The following LMNTD1 variants were observed in gnomAD, a reference collection of about 807,000 sequenced individuals.
The protein encoded by LMNTD1 is lamin tail domain containing 1, also known as lamin tail domain-containing protein 1.
In LMNTD1, 35 loss-of-function variants were observed where a neutral mutation model predicts 50.9. That is an observed-to-expected ratio of 0.69 (90% confidence interval 0.53 to 0.91). The LOEUF is 0.91. Among genes scored for constraint, LMNTD1 ranks in the 40% least tolerant of loss-of-function variants. LMNTD1 has a pLI of 0.00. For missense variants in LMNTD1, 470 were observed against 475.5 expected (o/e 0.99, Z 0.11); for synonymous variants, 153 against 161.9 (o/e 0.94, Z 0.42).
chr12:25,622,469 C>A lies in LMNTD1; in HGVS notation c.58+26025G>T, dbSNP rs886727296. Among the ~76,000 whole-genome samples, 9 of 134,126 alleles carry A rather than the reference C, an allele frequency of 6.7e-5. 1 individual carries two copies. Among genetic ancestry groups the A allele is most frequent in the Admixed American group, 5.9e-4 (8 of 13,662 alleles). The allele number at this position is 134,126 out of a possible 152,430, so 88.0% of individuals were successfully genotyped here. A position where few individuals can be genotyped will look rare whatever the true frequency, so the allele number is the denominator to read the frequency against. On this transcript the variant is annotated intron_variant, in intron 1 of 7. Transcript: ENST00000445693. ...CTTGACCTTGAGTTTGTGAGCCCGC[C>A]CCCCCCCGCAAAATAATATCAACAT...
intron 8 of LMNTD1, among the ~76,000 whole-genome samples, chr12:25,512,591 C>T (rs938484526): frequency 2.0e-5 from 3 of 151,814 alleles, no homozygotes; most frequent in African/African-American, 7.3e-5. Context: ...TTTGTGAAGT[C>T]GAAATAATAG....
chr12:25,539,104 A>G (rs4562916), intron 4 of LMNTD1, among the ~76,000 whole-genome samples: 96,601 of 144,630 alleles, frequency 0.67, 32,740 homozygotes, highest in Admixed American at 0.73. Context: ...AAGAGACTTC[A>G]ACTCCCACAC....
chr12:25,479,283 A>C (rs1938368108), intron 9 of LMNTD1, among the ~76,000 whole-genome samples: 3 of 152,148 alleles, frequency 2.0e-5, no homozygotes, highest in African/African-American at 7.2e-5. Context: ...TGTCGTGGGA[A>C]TAGGAATCAA....
intron 8 of LMNTD1, among the ~76,000 whole-genome samples, chr12:25,508,040 C>T (rs1939951094): frequency 6.6e-6 from 1 of 151,684 alleles, no homozygotes; most frequent in Non-Finnish European, 1.5e-5. Context: ...TTCTTTGTCC[C>T]TCCTTGTCAG....
At chr12:25,525,305 A>C (rs976561787) in intron 6 of LMNTD1, among the ~76,000 whole-genome samples, 1 of 152,194 alleles carries the variant, frequency 6.6e-6, no homozygotes, top group African/African-American at 2.4e-5. Context: ...TTTTATAAGG[A>C]GTAAAGTATA....
At position 25,569,052 on chromosome 12, in the gene LMNTD1, A is replaced by C. The variant is rs555047465; in HGVS notation, c.59-22498T>G. The stretch of plus-strand genomic sequence containing the variant: ...GGGGCTGATGCCCTCTAGACCCCAG[A>C]ATGGTAGAGCTACTGGCAGCTTGCC... On this transcript the variant is annotated intron_variant, in intron 1 of 7. Transcript: ENST00000445693. 3.9e-5 allele frequency among the ~76,000 whole-genome samples: 6 copies of C among 152,344 alleles called. No individual in the cohort carries two copies. The South Asian group carries it at 1.2e-3, about 32-fold the overall frequency.
intron 1 of LMNTD1, among the ~76,000 whole-genome samples, chr12:25,581,006 C>A (rs775428626): frequency 6.6e-6 from 1 of 152,132 alleles, no homozygotes; most frequent in Non-Finnish European, 1.5e-5. Flanking sequence ...CTTTAGCCTA[C>A]TTGGAACTAA....
At chr12:25,555,580 G>C (rs1327908724), upstream of LMNTD1, among the ~76,000 whole-genome samples, 1 of 152,076 alleles carries the variant, frequency 6.6e-6, no homozygotes, top group Non-Finnish European at 1.5e-5. Context: ...GGTGTGATAT[G>C]GTGTCATGAT....
intron 8 of LMNTD1, among the ~76,000 whole-genome samples, chr12:25,508,109 T>C (rs1939958820): frequency 1.2e-5 from 1 of 84,784 alleles, no homozygotes; most frequent in South Asian, 3.5e-4. Context: ...CCAGTTTTTA[T>C]TGTTAAGTTT....
chr12:25,523,258 T>C (rs1171129777), intron 6 of LMNTD1, among the ~76,000 whole-genome samples: 1 of 152,186 alleles, frequency 6.6e-6, no homozygotes, highest in Non-Finnish European at 1.5e-5. Flanking sequence ...GGTATCAAAC[T>C]CCTGACCTTG....
chr12:25,642,485 C>T (rs1946976038), intron 1 of LMNTD1, among the ~76,000 whole-genome samples: 1 of 152,150 alleles, frequency 6.6e-6, no homozygotes. Context: ...TTGGACTTCC[C>T]AGCTTCCAGA....
chr12:25,585,752 A>G (rs1321249481), intron 1 of LMNTD1, among the ~76,000 whole-genome samples: 3 of 152,146 alleles, frequency 2.0e-5, no homozygotes, highest in Non-Finnish European at 4.4e-5. Context: ...TTTTGCCTCA[A>G]TTATCTTTTC....
chr12:25,556,995 G>A (rs1191736878), upstream of LMNTD1, among the ~76,000 whole-genome samples: 1 of 152,138 alleles, frequency 6.6e-6, no homozygotes, highest in African/African-American at 2.4e-5. Flanking sequence ...TGGGTAATAT[G>A]CAGTTGAGTA....
At chr12:25,561,636 T>C (rs1436087447) in intron 1 of LMNTD1, among the ~76,000 whole-genome samples, 2 of 152,012 alleles carry the variant, frequency 1.3e-5, no homozygotes, top group African/African-American at 4.8e-5. Flanking sequence ...GGGTGGAGAG[T>C]TCTGTAGATG....
intron 9 of LMNTD1, among the ~76,000 whole-genome samples, chr12:25,494,845 C>T (rs1047653457): frequency 4.6e-5 from 7 of 151,984 alleles, no homozygotes; most frequent in East Asian, 1.9e-4. Context: ...ACATTTGTTT[C>T]GTGGCAAAAA....
upstream of LMNTD1, chr12:25,648,570 T>C: frequency 6.5e-7 from 1 of 1,549,688 alleles, no homozygotes; most frequent in Non-Finnish European, 8.7e-7. Flanking sequence ...CTTAAGCTTC[T>C]TCTGTTATGC....
rs1042189617 is a variant in LMNTD1, at chr12:25,476,424, T to C, written c.*59A>G. 6.6e-6 allele frequency: 1 copy of C among 152,242 alleles called. No individual in the cohort carries two copies. The highest frequency in any genetic ancestry group is 1.5e-5 in the Non-Finnish European group (1 of 68,038). The allele number at this position is 152,242 out of a possible 1,614,324, so 9.4% of individuals were successfully genotyped here. On this transcript the variant is annotated 3_prime_UTR_variant, in exon 10 of 10. Coordinates refer to ENST00000458174, the MANE Select transcript of LMNTD1 (RefSeq NM_001145728.2). ...GGCCTCAGGGATTTGAGTTCTCTTTTGCTTTTCTAGTAGCTGGTTGAGGGT... is the reference window on the plus strand; with the variant it reads ...GGCCTCAGGGATTTGAGTTCTCTTTCGCTTTTCTAGTAGCTGGTTGAGGGT...
intron 1 of LMNTD1, among the ~76,000 whole-genome samples, chr12:25,591,697 C>A (rs761878052): frequency 6.6e-6 from 1 of 151,938 alleles, no homozygotes; most frequent in African/African-American, 2.4e-5. Context: ...TAACAGCAAG[C>A]CTTAGGCAAG....
intron 9 of LMNTD1, among the ~76,000 whole-genome samples, chr12:25,497,109 G>T (rs372583154): frequency 1.3e-5 from 2 of 151,968 alleles, no homozygotes; most frequent in Middle Eastern, 3.4e-3. Context: ...TTCATCTGTC[G>T]ATGAACACGT....
Sources: gnomAD v4.1 joint callset for allele counts (sites outside exome capture counted in the v4.1 genomes callset) on GRCh38, gnomAD v4.1.1 for gene constraint, MANE v1.5 for transcripts, NCBI Gene and HGNC (gene_info 2026-07-23, HGNC 2026-07-21) for gene names.